The following BTBD2 variants were observed in gnomAD, a reference collection of about 807,000 sequenced individuals.
The protein encoded by BTBD2 is BTB/POZ domain-containing protein 2.
A neutral mutation model predicts 44.0 loss-of-function variants in BTBD2; 15 were observed. The ratio of observed to expected loss-of-function variants is 0.34; its 90% CI spans 0.23 to 0.53. The LOEUF is 0.53. BTBD2 is among the 20% of genes least tolerant of loss of function. The pLI is 0.95. For missense variants in BTBD2, 657 were observed against 746.4 expected (o/e 0.88, Z 1.39); for synonymous variants, 443 against 335.9 (o/e 1.32, Z -3.49).
chr19:1,990,660 G>A (rs933745248), intron 4 of BTBD2, 57 bp downstream of exon 4: 6 of 1,474,848 alleles, frequency 4.1e-6, no homozygotes, highest in Middle Eastern at 2.1e-4. Flanking sequence ...GTCAATCCCC[G>A]GACCCTCCCG....
chr19:1,993,370 G>A (rs533745059), intron 2 of BTBD2, among the ~76,000 whole-genome samples, 194 bp from the exon 3 acceptor site: 1 of 152,256 alleles, frequency 6.6e-6, no homozygotes, highest in Admixed American at 6.5e-5. Flanking sequence ...ATAGGGACAC[G>A]ACTTGGCAAG....
chr19:2,001,854 C>T (rs368755254), intron 1 of BTBD2, among the ~76,000 whole-genome samples: 3 of 152,162 alleles, frequency 2.0e-5, no homozygotes, highest in African/African-American at 2.4e-5. Context: ...CCTCCTACTT[C>T]AGCCTCCCGA....
chr19:1,990,298 G>A, intron 4 of BTBD2, 97 bp from the exon 5 acceptor site: 1 of 1,400,138 alleles, frequency 7.1e-7, no homozygotes. Context: ...GTTAAAGCCG[G>A]GCTGGCAACT....
Position 1,990,089 on chromosome 19 carries a change from C to T in BTBD2, c.903G>A (p.Val301=), listed in dbSNP as rs1264161200. The T allele has an allele frequency of 5.0e-6, 8 of 1,613,110 alleles. No individual in the cohort carries two copies. Among genetic ancestry groups the T allele is most frequent in the African/African-American group, 1.3e-5 (1 of 75,074 alleles). The change falls in exon 5 of 9, where the codon GTG becomes GTA. Residue 301 remains valine (V), a synonymous_variant. Transcript: ENST00000255608. ...EAECQRQQLQ[V]TPENRRKVLG... is the part of the protein sequence containing the mutation. The stretch of plus-strand genomic sequence containing the variant: ...GAACCTTCCGCCTGTTCTCTGGCGT[C>T]ACCTGCAGCTGCTGCCGCTGACACT...
intron 1 of BTBD2, among the ~76,000 whole-genome samples, chr19:2,004,689 T>C (rs1334814048): frequency 6.7e-6 from 1 of 149,190 alleles, no homozygotes; most frequent in African/African-American, 2.5e-5. Context: ...GAGTCGAAAA[T>C]AAAATCAGGC....
At chr19:1,987,129 C>G (rs761223048) in intron 7 of BTBD2, 37 bp downstream of exon 7, 1 of 1,606,134 alleles carries the variant, frequency 6.2e-7, no homozygotes, top group East Asian at 2.2e-5. Context: ...GGACATGGGC[C>G]TGAGTGGGGC....
chr19:2,014,380 G>T, intron 1 of BTBD2: 1 of 153,068 alleles, frequency 6.5e-6, no homozygotes, highest in Non-Finnish European at 1.4e-5. Flanking sequence ...CACGTCCCAG[G>T]GTTGGAGGGT....
intron 1 of BTBD2, chr19:2,003,023 A>C (rs2016349947): frequency 6.6e-6 from 1 of 152,152 alleles, no homozygotes; most frequent in Non-Finnish European, 1.5e-5. Flanking sequence ...TCCAAACAGA[A>C]ACCATGAGAG....
chr19:1,991,298 C>G (rs917483315), intron 3 of BTBD2: 15 of 162,758 alleles, frequency 9.2e-5, no homozygotes, highest in African/African-American at 3.1e-4. Context: ...GACATGACTT[C>G]TGACAGTCAG....
At chr19:1,987,319 G>A in intron 6 of BTBD2, 66 bp from the exon 7 acceptor site, 1 of 1,571,768 alleles carries the variant, frequency 6.4e-7, no homozygotes. Flanking sequence ...GCTGGGGCGA[G>A]CCCACCCCCA....
At position 1,986,972 on chromosome 19, in the gene BTBD2, A is replaced by G; in HGVS notation, c.1274T>C (p.Ile425Thr). 6.2e-7 allele frequency: 1 copy of G among 1,611,786 alleles called. No individual in the cohort carries two copies. The highest frequency in any genetic ancestry group is 1.1e-5 in the South Asian group (1 of 90,934). The change falls in exon 8 of 9, where the codon ATT becomes ACT. Residue 425 changes from isoleucine to threonine, a missense_variant. Ile to Thr is a moderately conservative substitution (Grantham distance 89). Around this residue, in one of 3 missense-constraint regions of BTBD2, gnomAD observed 449 missense variants for 510.9 expected, o/e 0.88. Coordinates refer to ENST00000255608, the MANE Select transcript of BTBD2 (RefSeq NM_017797.4). The stretch of plus-strand genomic sequence containing the variant: ...CAAGACGGTGTTGCTATCGGTGTGA[A>G]TAATCTGCGGGGAGGTGGGAAGTGG... ...PTDYQVNIQI[I>T]HTDSNTVLGQ...
chr19:1,987,599 T>G lies in BTBD2; in HGVS notation c.1082A>C (p.Asp361Ala), dbSNP rs768463002. The change falls in exon 6 of 9, where the codon GAC (aspartate) becomes GCC (alanine). Residue 361 changes from aspartate to alanine, a missense_variant. By Grantham distance (126) the Asp-to-Ala change is moderately radical. Around this residue, in one of 3 missense-constraint regions of BTBD2, gnomAD observed 449 missense variants for 510.9 expected, o/e 0.88. Transcript: ENST00000255608. ...CCCACGCAGGCAGCAGCGGGGCCGG[T>G]CAATGAACTCCACTCGTGGCTTGGG... ...VNPKPRVEFI[D>A]RPRCCLRGKE... 1 of 1,612,376 alleles carries G rather than the reference T, an allele frequency of 6.2e-7. No individual in the cohort carries two copies. The highest frequency in any genetic ancestry group is 8.5e-7 in the Non-Finnish European group (1 of 1,179,664).
At chr19:1,990,446 G>C (rs765226202) in intron 4 of BTBD2, 13 of 613,086 alleles carry the variant, frequency 2.1e-5, no homozygotes, top group Non-Finnish European at 3.7e-5. Context: ...TTTGACAAAA[G>C]CTGTTCAACA....
chr19:1,990,934 A>G (rs2145622985), intron 3 of BTBD2, 112 bp from the exon 4 acceptor site: 1 of 994,154 alleles, frequency 1.0e-6, no homozygotes, highest in East Asian at 2.7e-5. Flanking sequence ...GGCCTTCCTG[A>G]GCGTGGCCAG....
chr19:2,004,814 A>C (rs2016374129), intron 1 of BTBD2, among the ~76,000 whole-genome samples: 2 of 150,288 alleles, frequency 1.3e-5, no homozygotes. Context: ...CCCCATCTCT[A>C]CAAAAAAAAA....
chr19:1,992,919 G>T, intron 3 of BTBD2, 101 bp downstream of exon 3: 1 of 838,332 alleles, frequency 1.2e-6, no homozygotes, highest in Non-Finnish European at 1.6e-6. Flanking sequence ...TCCCGGGCCC[G>T]CCCCCGGCCC....
intron 3 of BTBD2, among the ~76,000 whole-genome samples, chr19:1,991,518 C>T (rs1324896574): frequency 6.6e-6 from 1 of 152,210 alleles, no homozygotes; most frequent in Non-Finnish European, 1.5e-5. Flanking sequence ...CTCCAGCCTC[C>T]TCTCAGCTCA....
At chr19:1,989,529 C>G in intron 5 of BTBD2, 1 of 185,874 alleles carries the variant, frequency 5.4e-6, no homozygotes, top group Non-Finnish European at 1.0e-5. Context: ...AGCTGGATGG[C>G]GTCAGGCAGT....
At chr19:1,995,659 CAG>C (rs2016241605) in intron 2 of BTBD2, among the ~76,000 whole-genome samples, 1 of 137,912 alleles carries the variant, frequency 7.3e-6, no homozygotes, top group South Asian at 2.4e-4. Flanking sequence ...TTTTTTGAGA[CAG>C]AGTCTCGCTC....
Sources: gnomAD v4.1 joint callset for allele counts (sites outside exome capture counted in the v4.1 genomes callset) on GRCh38, gnomAD v4.1.1 for gene constraint, gnomAD v4.1.1 regional missense constraint, MANE v1.5 for transcripts, NCBI Gene and HGNC (gene_info 2026-07-23, HGNC 2026-07-21) for gene names.